Variants in ATP2B1 observed in about 807,000 individuals in gnomAD.
The protein encoded by ATP2B1 is plasma membrane calcium-transporting ATPase 1.
A neutral mutation model predicts 124.2 loss-of-function variants in ATP2B1; 14 were observed. The ratio of observed to expected loss-of-function variants is 0.11; its 90% CI spans 0.07 to 0.18. ATP2B1 has a LOEUF of 0.18. Ranked by LOEUF, ATP2B1 falls within the 10% of genes least tolerant of loss-of-function variation. ATP2B1 has a pLI of 1.00. For synonymous variants in ATP2B1, 449 were observed against 492.4 expected, an observed-to-expected ratio of 0.91 and a Z score of 1.17; for missense variants, 763 against 1,466.1, an observed-to-expected ratio of 0.52 and a Z score of 7.83.
intron 2 of ATP2B1, among the ~76,000 whole-genome samples, chr12:89,647,897 TCTCA>T (rs1463268894): frequency 1.3e-5 from 2 of 152,120 alleles, no homozygotes; most frequent in African/African-American, 4.8e-5. Flanking sequence ...CTTCTCTCAC[TCTCA>T]CTCTCATCAT....
chr12:89,620,347 G>T, intron 10 of ATP2B1, 107 bp from the exon 11 acceptor site: 2 of 1,321,618 alleles, frequency 1.5e-6, no homozygotes, highest in Non-Finnish European at 2.1e-6. Flanking sequence ...CAAAGCAATT[G>T]TCTAATATCA....
At chr12:89,629,484 AC>A in intron 6 of ATP2B1, among the ~76,000 whole-genome samples, 1 of 152,282 alleles carries the variant, frequency 6.6e-6, no homozygotes, top group South Asian at 2.1e-4. Flanking sequence ...TAGAAAAAAA[AC>A]CTAGAATGGG....
At chr12:89,636,888 T>A (rs1356820) in intron 3 of ATP2B1, among the ~76,000 whole-genome samples, 1 of 152,152 alleles carries the variant, frequency 6.6e-6, no homozygotes, top group Non-Finnish European at 1.5e-5. Context: ...TCATTGTGTA[T>A]AATAACCAGT....
At chr12:89,611,697 TCTACCCTTCTGGTTTTA>T (rs1271363750) in intron 12 of ATP2B1, 1 of 207,952 alleles carries the variant, frequency 4.8e-6, no homozygotes, top group East Asian at 1.1e-4. Context: ...TGGTTGGCTT[TCTACCCTTCTGGTTTTA>T]CTACCCAGAT....
intron 3 of ATP2B1, among the ~76,000 whole-genome samples, chr12:89,638,335 A>G (rs868265499): frequency 6.6e-6 from 1 of 152,198 alleles, no homozygotes; most frequent in Non-Finnish European, 1.5e-5. Context: ...CTCCTAGTTG[A>G]GCTATTCATT....
At chr12:89,707,240 G>A (rs1484367503) in intron 1 of ATP2B1, among the ~76,000 whole-genome samples, 1 of 152,126 alleles carries the variant, frequency 6.6e-6, no homozygotes, top group Non-Finnish European at 1.5e-5. Flanking sequence ...ATTCACTCAC[G>A]TGGGCCACCA....
rs1428848910 is a variant in ATP2B1, at chr12:89,626,619, C to T, written c.968-4G>A. 3.2e-6 allele frequency: 5 copies of T among 1,583,626 alleles called. No individual in the cohort carries two copies. The highest frequency in any genetic ancestry group is 8.5e-7 in the Non-Finnish European group (1 of 1,171,228). ...GCTGCACCATCCTGGGCTTTTGCTA[C>T]ATTTAAGAGCAAATAGAACTTCACT... On this transcript the variant is annotated splice_region_variant and splice_polypyrimidine_tract_variant and intron_variant, in intron 7 of 20. Transcript: ENST00000428670.
chr12:89,664,819 G>T (rs1887106956), intron 1 of ATP2B1, among the ~76,000 whole-genome samples: 1 of 151,602 alleles, frequency 6.6e-6, no homozygotes, highest in African/African-American at 2.4e-5. Flanking sequence ...ACAAATATAA[G>T]CAAATTACTT....
At chr12:89,678,683 A>T (rs1291771536) in intron 1 of ATP2B1, among the ~76,000 whole-genome samples, 1 of 152,216 alleles carries the variant, frequency 6.6e-6, no homozygotes, top group African/African-American at 2.4e-5. Flanking sequence ...ACTTGCCTTA[A>T]GAAGCAATTG....
intron 18 of ATP2B1, among the ~76,000 whole-genome samples, chr12:89,602,600 A>G (rs1227896409): frequency 6.6e-6 from 1 of 152,226 alleles, no homozygotes; most frequent in East Asian, 1.9e-4. Context: ...GTAGAGATAT[A>G]AAACTGAAGT....
At chr12:89,601,906 G>A (rs1875927551) in intron 18 of ATP2B1, among the ~76,000 whole-genome samples, 1 of 152,016 alleles carries the variant, frequency 6.6e-6, no homozygotes, top group African/African-American at 2.4e-5. Flanking sequence ...ATTCCACATA[G>A]CTGTTTATTT....
At chr12:89,647,956 A>G (rs1884725177) in intron 2 of ATP2B1, among the ~76,000 whole-genome samples, 1 of 152,034 alleles carries the variant, frequency 6.6e-6, no homozygotes. Flanking sequence ...GAGTAAAAGC[A>G]CTCTGAGACA....
At chr12:89,697,284 G>A (rs1223596329) in intron 1 of ATP2B1, among the ~76,000 whole-genome samples, 2 of 151,968 alleles carry the variant, frequency 1.3e-5, no homozygotes. Context: ...GAATCTCAGG[G>A]GAAGACTCAA....
chr12:89,678,749 T>C (rs1888986966), intron 1 of ATP2B1, among the ~76,000 whole-genome samples: 1 of 152,172 alleles, frequency 6.6e-6, no homozygotes, highest in Non-Finnish European at 1.5e-5. Context: ...CAAAATCGTT[T>C]TGACATAAAT....
intron 6 of ATP2B1, among the ~76,000 whole-genome samples, chr12:89,629,758 T>C (rs1425055155): frequency 6.6e-6 from 1 of 152,174 alleles, no homozygotes; most frequent in Non-Finnish European, 1.5e-5. Flanking sequence ...CCGTAAAATG[T>C]TGTCAACCTA....
At chr12:89,622,042 A>G (rs1014005026) in intron 9 of ATP2B1, among the ~76,000 whole-genome samples, 3 of 152,006 alleles carry the variant, frequency 2.0e-5, no homozygotes, top group Admixed American at 2.0e-4. Flanking sequence ...TAACCTAGTG[A>G]ATCAATTCAG....
chr12:89,621,801 C>CAAAA lies in ATP2B1; in HGVS notation c.1345-11_1345-10insTTTT. ...TATCTTTCATCATTTTCTACAGTGACCAAAAAAAAAAAACTAGTTAAGCTG... is the reference window on the plus strand; with the variant it reads ...TATCTTTCATCATTTTCTACAGTGACAAAACAAAAAAAAAAAACTAGTTAAGCTG... On this transcript the variant is annotated splice_polypyrimidine_tract_variant and intron_variant, in intron 9 of 20. Coordinates refer to ENST00000428670, the MANE Select transcript of ATP2B1 (RefSeq NM_001366521.1). 2 of 1,322,294 alleles carry CAAAA rather than the reference C, an allele frequency of 1.5e-6. No individual in the cohort carries two copies. The highest frequency in any genetic ancestry group is 1.9e-6 in the Non-Finnish European group (2 of 1,041,620). The allele number at this position is 1,322,294 out of a possible 1,614,324, so 81.9% of individuals were successfully genotyped here.
rs1195322838 is a variant in ATP2B1 at position 89,590,013 on chromosome 12, A to G, written c.*971T>C. ...CTAACATGTTTAGACAAAAACAAAA[A>G]AGACTAAGGTTCTCTTGTAGTTTGA... On this transcript the variant is annotated 3_prime_UTR_variant, in exon 21 of 21. Coordinates refer to ENST00000428670, the MANE Select transcript of ATP2B1 (RefSeq NM_001366521.1). The G allele has an allele frequency of 1.3e-5, 2 of 152,544 alleles. No individual in the cohort carries two copies. The highest frequency in any genetic ancestry group is 4.8e-5 in the African/African-American group (2 of 41,434). 9.4% of individuals were successfully genotyped at this position (152,544 alleles called of 1,614,324 possible).
At chr12:89,627,607 A>T in intron 7 of ATP2B1, 71 bp downstream of exon 7, 2 of 1,517,274 alleles carry the variant, frequency 1.3e-6, no homozygotes, top group Non-Finnish European at 1.8e-6. Flanking sequence ...CTTTTGAATA[A>T]ATATGGTATA....
Sources: allele counts gnomAD v4.1 joint callset (sites outside exome capture counted in the v4.1 genomes callset), GRCh38; gene constraint gnomAD v4.1.1; transcripts MANE v1.5; gene names NCBI Gene and HGNC (gene_info 2026-07-23, HGNC 2026-07-21).